PRH1: variants seen among roughly 807,000 people sequenced by gnomAD.
PRH1 encodes the protein salivary acidic proline-rich phosphoprotein 1/2.
In PRH1, 7 loss-of-function variants were observed where a neutral mutation model predicts 7.9. The observed-to-expected ratio is 0.89, with a 90% CI of 0.50 to 1.67. PRH1 has a LOEUF of 1.67. PRH1 is among the 40% of genes most tolerant of loss of function. The probability of loss-of-function intolerance (pLI) is 0.00; values close to 1 mark genes in which losing one functional copy is unlikely to be tolerated. For missense variants in PRH1, 109 were observed against 223.6 expected, an observed-to-expected ratio of 0.49 and a Z score of 3.27; for synonymous variants, 45 against 80.8, an observed-to-expected ratio of 0.56 and a Z score of 2.38.
intron 2 of PRH1, chr12:10,909,382 G>A (rs1396840522): frequency 1.1e-6 from 1 of 925,898 alleles, no homozygotes; most frequent in Non-Finnish European, 1.6e-6. Context: ...TGAGTGTCCA[G>A]TGGAGTTCTT....
At chr12:11,147,253 C>T (rs1156638233) in intron 1 of PRH1, among the ~76,000 whole-genome samples, 13 of 152,094 alleles carry the variant, frequency 8.5e-5, no homozygotes, top group African/African-American at 2.2e-4. Context: ...TGCAGTGGCA[C>T]GATCTCGGCT....
chr12:11,062,166 A>G, intron 1 of PRH1: 1 of 1,613,714 alleles, frequency 6.2e-7, no homozygotes, highest in Non-Finnish European at 8.5e-7. Context: ...TTTGGTCAGC[A>G]AAAGAGATCT....
chr12:11,133,693 G>C (rs1946447605), intron 1 of PRH1: 1 of 1,614,244 alleles, frequency 6.2e-7, no homozygotes, highest in Non-Finnish European at 8.5e-7. Flanking sequence ...GGGGTACAAA[G>C]TTTGCTAGCA....
intron 1 of PRH1, among the ~76,000 whole-genome samples, chr12:11,064,275 A>C (rs1020948720): frequency 6.6e-6 from 1 of 152,180 alleles, no homozygotes; most frequent in South Asian, 2.1e-4. Flanking sequence ...GCAATCCTAC[A>C]TGTTCTTCTT....
At chr12:11,135,127 ATTAT>A (rs1054908833) in intron 1 of PRH1, among the ~76,000 whole-genome samples, 9 of 152,124 alleles carry the variant, frequency 5.9e-5, no homozygotes, top group Non-Finnish European at 1.2e-4. Context: ...TTAAATATTT[ATTAT>A]TTAATTAAAA....
At chr12:11,029,547 A>G (rs1942083450) in intron 1 of PRH1, among the ~76,000 whole-genome samples, 1 of 152,292 alleles carries the variant, frequency 6.6e-6, no homozygotes, top group Non-Finnish European at 1.5e-5. Flanking sequence ...TGCTTTAGAA[A>G]GAATACTAAA....
chr12:11,148,390 T>C (rs1224166755), intron 1 of PRH1, among the ~76,000 whole-genome samples: 1 of 148,976 alleles, frequency 6.7e-6, no homozygotes, highest in Non-Finnish European at 1.5e-5. Context: ...ATGCTTCCAG[T>C]TTTTGCCCAT....
chr12:11,115,299 G>C (rs1312072777), intron 1 of PRH1, among the ~76,000 whole-genome samples: 1 of 152,022 alleles, frequency 6.6e-6, no homozygotes, highest in Non-Finnish European at 1.5e-5. Flanking sequence ...ACTATGAGGA[G>C]ATAAAGGTCA....
At chr12:10,953,825 G>A (rs897202289) in intron 2 of PRH1, among the ~76,000 whole-genome samples, 2 of 152,068 alleles carry the variant, frequency 1.3e-5, no homozygotes, top group African/African-American at 4.8e-5. Context: ...ATTCTCCAAG[G>A]CGAAAATGAA....
intron 1 of PRH1, among the ~76,000 whole-genome samples, chr12:11,139,354 A>G (rs2218818): frequency 0.46 from 69,147 of 151,970 alleles, 16,524 homozygotes; most frequent in Non-Finnish European, 0.53. Flanking sequence ...CTTCTTGTTG[A>G]TATTTCCCTT....
chr12:10,888,647 C>A (rs1034521987), upstream of PRH1, among the ~76,000 whole-genome samples: 1 of 151,994 alleles, frequency 6.6e-6, no homozygotes, highest in Non-Finnish European at 1.5e-5. Context: ...TGATTGTTTT[C>A]TTTTTCCTGA....
chr12:10,997,112 C>T (rs10845279), intron 1 of PRH1: 6 of 1,613,524 alleles, frequency 3.7e-6, no homozygotes, highest in African/African-American at 1.3e-5. Context: ...TTCTTTTGGT[C>T]GCATCTTAAA....
intron 1 of PRH1, chr12:11,062,344 G>C (rs1943648682): frequency 2.0e-6 from 3 of 1,518,078 alleles, no homozygotes; most frequent in South Asian, 2.7e-5. Flanking sequence ...AATATCACTG[G>C]TTGTGATTGC....
chr12:10,998,963 C>A (rs1165819400), intron 1 of PRH1, among the ~76,000 whole-genome samples: 2 of 152,004 alleles, frequency 1.3e-5, no homozygotes, highest in Non-Finnish European at 2.9e-5. Context: ...CACACTGTTC[C>A]CAGAATAAGA....
chr12:10,922,287 T>G (rs11054076), intron 2 of PRH1, among the ~76,000 whole-genome samples: 77,206 of 152,116 alleles, frequency 0.51, 21,932 homozygotes, highest in East Asian at 0.72. Flanking sequence ...TCTGGAAAAC[T>G]TTTTTATAAA....
At chr12:10,986,037 T>A (rs1939600545) in intron 1 of PRH1, 2 of 1,613,916 alleles carry the variant, frequency 1.2e-6, no homozygotes, top group Non-Finnish European at 8.5e-7. Context: ...GATGAATGAG[T>A]CGAATGCAAG....
At chr12:10,926,916 T>G (rs919531595) in intron 2 of PRH1, among the ~76,000 whole-genome samples, 14 of 152,272 alleles carry the variant, frequency 9.2e-5, no homozygotes, top group Middle Eastern at 3.4e-3. Context: ...GGGAATTGTG[T>G]TGTTGACGGC....
intron 1 of PRH1, among the ~76,000 whole-genome samples, chr12:11,040,725 C>T (rs1289613384): frequency 6.6e-6 from 1 of 152,130 alleles, no homozygotes; most frequent in African/African-American, 2.4e-5. Flanking sequence ...AAAATAGCTA[C>T]AACAGGCTTT....
intron 1 of PRH1, among the ~76,000 whole-genome samples, chr12:11,164,864 C>T (rs1051134257): frequency 6.6e-6 from 1 of 152,120 alleles, no homozygotes; most frequent in Admixed American, 6.6e-5. Context: ...TTAACTACCA[C>T]AATCAAGATA....
Sources: allele counts gnomAD v4.1 joint callset (sites outside exome capture counted in the v4.1 genomes callset), GRCh38; gene constraint gnomAD v4.1.1; transcripts MANE v1.5; gene names NCBI Gene and HGNC (gene_info 2026-07-23, HGNC 2026-07-21).